Variants in BLVRA observed in about 807,000 individuals in gnomAD.
The protein encoded by BLVRA is biliverdin reductase A.
A neutral mutation model predicts 32.8 loss-of-function variants in BLVRA; 22 were observed. The ratio of observed to expected loss-of-function variants is 0.67; its 90% CI spans 0.48 to 0.96. BLVRA has a LOEUF of 0.96. BLVRA is among the 40% of genes least tolerant of loss of function. BLVRA has a pLI of 0.00. For synonymous variants in BLVRA, 119 were observed against 141.3 expected (o/e 0.84, Z 1.12); for missense variants, 323 against 358.1 (o/e 0.90, Z 0.79).
chr7:43,780,740 C>T (rs1220736828), intron 2 of BLVRA, among the ~76,000 whole-genome samples: 1 of 152,220 alleles, frequency 6.6e-6, no homozygotes, highest in African/African-American at 2.4e-5. Context: ...ATTTTCTCTC[C>T]ATCCCCATTC....
chr7:43,793,618 C>CTTTT (rs35816005), intron 5 of BLVRA, among the ~76,000 whole-genome samples: 2 of 135,530 alleles, frequency 1.5e-5, no homozygotes, highest in Non-Finnish European at 1.6e-5. Flanking sequence ...TCTTTTACAA[C>CTTTT]TTTTTTTTTT....
At chr7:43,775,963 A>C (rs902826516) in intron 2 of BLVRA, among the ~76,000 whole-genome samples, 2 of 152,136 alleles carry the variant, frequency 1.3e-5, no homozygotes, top group African/African-American at 4.8e-5. Context: ...GGTAGTTTGT[A>C]TTTCTGTGGG....
chr7:43,763,857 T>C (rs891309909), intron 1 of BLVRA, among the ~76,000 whole-genome samples: 4 of 152,206 alleles, frequency 2.6e-5, no homozygotes, highest in African/African-American at 9.6e-5. Context: ...ACCTCAGACT[T>C]TGAAAAGGCC....
At chr7:43,782,682 G>A (rs1428728127) in intron 2 of BLVRA, among the ~76,000 whole-genome samples, 1 of 152,082 alleles carries the variant, frequency 6.6e-6, no homozygotes, top group African/African-American at 2.4e-5. Flanking sequence ...AAAATAGAGG[G>A]ATGAAGACTG....
At position 43,807,247 on chromosome 7, in the gene BLVRA, G is replaced by A; in HGVS notation, c.*12G>A. On this transcript the variant is annotated 3_prime_UTR_variant, in exon 8 of 8. Transcript: ENST00000265523. ...GTTCAAGGAAGTAAGAGGAGGAGGT[G>A]ATGTAGCACTTCCAAGATGGCACCA... 6.2e-7 allele frequency: 1 copy of A among 1,602,150 alleles called. No homozygotes were observed. Among genetic ancestry groups the A allele is most frequent in the South Asian group, 1.1e-5 (1 of 91,058 alleles).
At chr7:43,801,872 C>T (rs1301495914) in intron 6 of BLVRA, among the ~76,000 whole-genome samples, 3 of 152,126 alleles carry the variant, frequency 2.0e-5, no homozygotes, top group South Asian at 2.1e-4. Flanking sequence ...TAGTGGCTCA[C>T]GCCTGTAATT....
chr7:43,796,817 A>G (rs113945984), intron 5 of BLVRA, among the ~76,000 whole-genome samples: 132 of 152,352 alleles, frequency 8.7e-4, no homozygotes, highest in African/African-American at 3.0e-3. Context: ...ATAAGAGATC[A>G]ATATCCAGAA....
intron 2 of BLVRA, among the ~76,000 whole-genome samples, chr7:43,780,230 T>G (rs970518822): frequency 2.6e-5 from 4 of 152,098 alleles, no homozygotes; most frequent in Non-Finnish European, 4.4e-5. Flanking sequence ...AGGCTGTACT[T>G]TCTGCTTTCA....
chr7:43,797,310 A>T (rs1585739804), intron 5 of BLVRA, among the ~76,000 whole-genome samples: 1 of 151,890 alleles, frequency 6.6e-6, no homozygotes, highest in African/African-American at 2.4e-5. Flanking sequence ...CTGGTCTTGA[A>T]CTCCTGGCCT....
intron 5 of BLVRA, among the ~76,000 whole-genome samples, chr7:43,797,792 G>C (rs2095794388): frequency 6.6e-6 from 1 of 151,946 alleles, no homozygotes; most frequent in Admixed American, 6.6e-5. Flanking sequence ...ATCTTTTCTT[G>C]ACAATTATGA....
chr7:43,763,197 A>G (rs2132541989), intron 1 of BLVRA, among the ~76,000 whole-genome samples: 1 of 152,258 alleles, frequency 6.6e-6, no homozygotes, highest in East Asian at 1.9e-4. Context: ...TTGAAGGGGT[A>G]GGGAGGGGAC....
chr7:43,788,076 C>T (rs576624997), intron 3 of BLVRA, 51 bp downstream of exon 3: 126 of 1,613,758 alleles, frequency 7.8e-5, no homozygotes, highest in South Asian at 3.5e-4. Flanking sequence ...CCCAGTGAGG[C>T]GGATTAGCTG....
At chr7:43,769,162 G>A (rs896954383) in intron 1 of BLVRA, among the ~76,000 whole-genome samples, 3 of 151,818 alleles carry the variant, frequency 2.0e-5, no homozygotes, top group Non-Finnish European at 4.4e-5. Context: ...CAAGTAGCTA[G>A]GACTATAGGT....
chr7:43,807,330 G>T lies in BLVRA; in HGVS notation c.*95G>T. On this transcript the variant is annotated 3_prime_UTR_variant, in exon 8 of 8. Transcript: ENST00000265523. ...CTCTATTCTTAAAATTAAACATGTT[G>T]GGGAAACAAGAATCTTATTGTTATG... The T allele has an allele frequency of 6.4e-7, 1 of 1,555,904 alleles. No individual in the cohort carries two copies. The highest frequency in any genetic ancestry group is 8.8e-7 in the Non-Finnish European group (1 of 1,141,594).
At chr7:43,806,533 G>A (rs921828101) in intron 7 of BLVRA, among the ~76,000 whole-genome samples, 18 of 152,100 alleles carry the variant, frequency 1.2e-4, no homozygotes, top group African/African-American at 3.6e-4. Flanking sequence ...CTTGAGGTCA[G>A]GAATTCAAGA....
chr7:43,776,321 C>T (rs1191615421), intron 2 of BLVRA, among the ~76,000 whole-genome samples: 1 of 152,126 alleles, frequency 6.6e-6, no homozygotes, highest in African/African-American at 2.4e-5. Flanking sequence ...GAATGTGTCC[C>T]AGAGATTCTG....
chr7:43,766,286 CAG>C lies in BLVRA; in HGVS notation c.-21-4851_-21-4850del, dbSNP rs555645624. Among the ~76,000 whole-genome samples, 593 of 95,854 alleles carry C rather than the reference CAG, an allele frequency of 6.2e-3. 6 individuals are homozygous for C. Among genetic ancestry groups the C allele is most frequent in the African/African-American group, 0.023 (561 of 24,866 alleles). The allele number at this position is 95,854 out of a possible 152,430, so 62.9% of individuals were successfully genotyped here. A position where few individuals can be genotyped will look rare whatever the true frequency, so the allele number is the denominator to read the frequency against. On this transcript the variant is annotated intron_variant, in intron 1 of 7. Transcript: ENST00000265523. ...GAGTGACAAGAGTGAAACTCTGTCT[CAG>C]GGAAAAAAAAAAAAAAAAAAGTTAA...
intron 2 of BLVRA, among the ~76,000 whole-genome samples, chr7:43,781,963 A>G (rs1398884496): frequency 1.3e-5 from 2 of 152,156 alleles, no homozygotes; most frequent in Non-Finnish European, 2.9e-5. Flanking sequence ...TGTCCTTTGT[A>G]CTGCACAAAC....
intron 2 of BLVRA, among the ~76,000 whole-genome samples, chr7:43,772,410 G>A (rs188817370): frequency 6.6e-6 from 1 of 152,294 alleles, no homozygotes; most frequent in Non-Finnish European, 1.5e-5. Context: ...TCAGGTCCTG[G>A]ACCATAGTGT....
Sources: gnomAD v4.1 joint callset for allele counts (sites outside exome capture counted in the v4.1 genomes callset) on GRCh38, gnomAD v4.1.1 for gene constraint, MANE v1.5 for transcripts, NCBI Gene and HGNC (gene_info 2026-07-23, HGNC 2026-07-21) for gene names.